Variants in IFT43 observed in about 807,000 individuals in gnomAD.
IFT43 encodes intraflagellar transport 43.
IFT43 carries 33 observed loss-of-function variants against 32.3 expected under a neutral mutation model. The ratio of observed to expected loss-of-function variants is 1.02; its 90% CI spans 0.77 to 1.37. IFT43 has a LOEUF of 1.37. Among genes scored for constraint, IFT43 ranks in the 40% most tolerant of loss-of-function variants. The pLI is 0.00. For missense variants in IFT43, 274 were observed against 265.9 expected, an observed-to-expected ratio of 1.03 and a Z score of -0.21; for synonymous variants, 93 against 98.2, an observed-to-expected ratio of 0.95 and a Z score of 0.31.
At chr14:75,985,869 C>T (rs753789832) in intron 1 of IFT43, 29 bp downstream of exon 1, 3 of 1,612,452 alleles carry the variant, frequency 1.9e-6, no homozygotes, top group Non-Finnish European at 1.7e-6. Flanking sequence ...GCCTTGGGGG[C>T]CAGGATTTGG....
intron 2 of IFT43, among the ~76,000 whole-genome samples, chr14:76,007,747 AT>A (rs1167079042): frequency 3.3e-5 from 5 of 152,214 alleles, no homozygotes; most frequent in Non-Finnish European, 7.3e-5. Context: ...AAGAATTTTT[AT>A]GTTGGCTGAA....
chr14:75,991,283 A>C (rs1469695770), intron 2 of IFT43, among the ~76,000 whole-genome samples: 2 of 151,854 alleles, frequency 1.3e-5, no homozygotes, highest in Non-Finnish European at 2.9e-5. Flanking sequence ...GTGAGCTGAG[A>C]TCTTGCCATT....
At chr14:76,007,970 A>G (rs1320378026) in intron 2 of IFT43, among the ~76,000 whole-genome samples, 2 of 152,218 alleles carry the variant, frequency 1.3e-5, no homozygotes, top group Non-Finnish European at 2.9e-5. Flanking sequence ...CGCCTCTTCA[A>G]CAAACTACTG....
chr14:76,067,516 G>A (rs965784173), intron 5 of IFT43, among the ~76,000 whole-genome samples: 2 of 151,786 alleles, frequency 1.3e-5, no homozygotes, highest in African/African-American at 4.8e-5. Flanking sequence ...GTTGCAGTGA[G>A]CCAAGATCGC....
Position 76,083,209 on chromosome 14 carries a change from T to C in IFT43, c.445-18T>C. The C allele has an allele frequency of 6.2e-7, 1 of 1,614,164 alleles. No individual in the cohort carries two copies. The highest frequency in any genetic ancestry group is 8.5e-7 in the Non-Finnish European group (1 of 1,179,998). ...CCTCAAGGTGCTCAGCCTGACCTTT[T>C]TTTGTTTGCATTCACAGGATGGGGA... On this transcript the variant is annotated intron_variant, in intron 7 of 8. Transcript: ENST00000314067.
chr14:76,074,259 A>AGAGAGTG (rs2037374098), intron 5 of IFT43, among the ~76,000 whole-genome samples: 1 of 152,060 alleles, frequency 6.6e-6, no homozygotes. Flanking sequence ...GCCTTATTGA[A>AGAGAGTG]GAGAGTGGAG....
At chr14:76,030,654 C>T (rs575005865) in intron 3 of IFT43, among the ~76,000 whole-genome samples, 12 of 152,210 alleles carry the variant, frequency 7.9e-5, no homozygotes, top group South Asian at 4.2e-4. Context: ...CTCAAGATTT[C>T]TTTGTGGTTC....
chr14:76,001,676 C>A (rs1191269069), intron 2 of IFT43, among the ~76,000 whole-genome samples: 1 of 152,218 alleles, frequency 6.6e-6, no homozygotes, highest in African/African-American at 2.4e-5. Flanking sequence ...TTATGCTGCT[C>A]TAACAGAATG....
intron 2 of IFT43, among the ~76,000 whole-genome samples, chr14:75,996,556 T>C (rs185274942): frequency 7.9e-5 from 12 of 152,376 alleles, no homozygotes; most frequent in African/African-American, 2.9e-4. Flanking sequence ...CTGGCCCTTA[T>C]GGCAAAGAAA....
chr14:76,038,865 G>A (rs890722713), intron 3 of IFT43, among the ~76,000 whole-genome samples: 5 of 152,104 alleles, frequency 3.3e-5, no homozygotes, highest in African/African-American at 1.2e-4. Context: ...ATAATGGATG[G>A]GTCATGGTGG....
chr14:75,999,261 ATATATATATATGTATATATATTTTT>A (rs1413851528), intron 2 of IFT43, among the ~76,000 whole-genome samples: 33 of 23,358 alleles, frequency 1.4e-3, no homozygotes, highest in African/African-American at 8.2e-3. Flanking sequence ...ATATATATAT[ATATATATATATGTATATATATTTTT>A]TTTTTTTTTT....
At chr14:76,021,821 T>C (rs1275248632) in intron 2 of IFT43, among the ~76,000 whole-genome samples, 1 of 152,252 alleles carries the variant, frequency 6.6e-6, no homozygotes, top group Non-Finnish European at 1.5e-5. Context: ...ATGGTGCCAA[T>C]TTATGACTCA....
chr14:76,035,900 T>G (rs537231418), intron 3 of IFT43, among the ~76,000 whole-genome samples: 1 of 152,354 alleles, frequency 6.6e-6, no homozygotes, highest in African/African-American at 2.4e-5. Context: ...CATTTGTGTG[T>G]TATTTTTAAT....
intron 5 of IFT43, among the ~76,000 whole-genome samples, chr14:76,077,947 C>T (rs1290659966): frequency 2.0e-5 from 3 of 152,212 alleles, no homozygotes; most frequent in African/African-American, 7.2e-5. Context: ...ACCCTACTAA[C>T]CCTAATCCCA....
At chr14:76,077,324 T>C (rs2037429546) in intron 5 of IFT43, among the ~76,000 whole-genome samples, 1 of 152,232 alleles carries the variant, frequency 6.6e-6, no homozygotes, top group African/African-American at 2.4e-5. Context: ...TCTTGTGAAA[T>C]GAATCCTACT....
Sources: allele counts gnomAD v4.1 joint callset (sites outside exome capture counted in the v4.1 genomes callset), GRCh38; gene constraint gnomAD v4.1.1; transcripts MANE v1.5; gene names NCBI Gene and HGNC (gene_info 2026-07-23, HGNC 2026-07-21).